Variants in DYSF observed in about 807,000 individuals in gnomAD.
DYSF encodes dysferlin.
A neutral mutation model predicts 274.9 loss-of-function variants in DYSF; 212 were observed. That is an observed-to-expected ratio of 0.77 (90% CI 0.69 to 0.86). The LOEUF (loss-of-function observed/expected upper bound fraction) is 0.86, where lower values mean the gene tolerates loss of function less well. Ranked by LOEUF, DYSF falls within the 40% of genes least tolerant of loss-of-function variation. The pLI is 0.00. For synonymous variants in DYSF, 1,091 were observed against 1,078.7 expected (o/e 1.01, Z -0.22); for missense variants, 2,666 against 2,783.2 (o/e 0.96, Z 0.95).
chr2:71,526,929 C>G (rs1439657694), intron 13 of DYSF, among the ~76,000 whole-genome samples: 4 of 152,268 alleles, frequency 2.6e-5, no homozygotes, highest in Non-Finnish European at 5.9e-5. Context: ...ACCCGACTTG[C>G]AACCATCTCT....
intron 4 of DYSF, among the ~76,000 whole-genome samples, chr2:71,504,810 T>A (rs1320355488): frequency 6.6e-6 from 1 of 152,194 alleles, no homozygotes; most frequent in Non-Finnish European, 1.5e-5. Flanking sequence ...TGGTCCCTAT[T>A]CATGAGCCGT....
intron 44 of DYSF, among the ~76,000 whole-genome samples, chr2:71,659,849 G>A (rs1439655979): frequency 6.6e-6 from 1 of 152,228 alleles, no homozygotes; most frequent in African/African-American, 2.4e-5. Flanking sequence ...GGCCTGATTT[G>A]CCTTTACAGG....
chr2:71,670,250 A>G (rs1296600791), intron 51 of DYSF, among the ~76,000 whole-genome samples: 1 of 152,164 alleles, frequency 6.6e-6, no homozygotes, highest in Non-Finnish European at 1.5e-5. Context: ...TCCAGATCCC[A>G]AAGTCACTGC....
chr2:71,570,920 A>G lies in DYSF; in HGVS notation c.3228+179A>G, dbSNP rs1162702462. The G allele has an allele frequency of 9.6e-6, 8 of 831,832 alleles. No individual in the cohort carries two copies. The East Asian group carries it at 1.3e-4, about 14-fold the overall frequency. 51.5% of individuals were successfully genotyped at this position (831,832 alleles called of 1,614,324 possible). A position where few individuals can be genotyped will look rare whatever the true frequency, so the allele number is the denominator to read the frequency against. On this transcript the variant is annotated intron_variant, in intron 29 of 55. Coordinates refer to ENST00000410020, the MANE Select transcript of DYSF (RefSeq NM_001130987.2). Reference sequence around the variant, plus strand: ...AGCATACCCAAAGATCACACCCAGCATACACACAGATCACACCCAGCATAC... The same window carrying G: ...AGCATACCCAAAGATCACACCCAGCGTACACACAGATCACACCCAGCATAC...
At chr2:71,629,327 TG>T (rs774087657) in intron 41 of DYSF, among the ~76,000 whole-genome samples, 4 of 152,234 alleles carry the variant, frequency 2.6e-5, no homozygotes, top group Non-Finnish European at 4.4e-5. Flanking sequence ...GAAGGTCTCC[TG>T]TCCCTTTGCA....
intron 36 of DYSF, 58 bp from the exon 37 acceptor site, chr2:71,611,187 C>A (rs2093751087): frequency 7.8e-7 from 1 of 1,288,718 alleles, no homozygotes; most frequent in Admixed American, 1.7e-5. Context: ...TCTCTCTTGT[C>A]TTTTTGCCTT....
At chr2:71,644,316 G>T (rs2094534254) in intron 42 of DYSF, among the ~76,000 whole-genome samples, 1 of 152,150 alleles carries the variant, frequency 6.6e-6, no homozygotes, top group Admixed American at 6.5e-5. Flanking sequence ...GTGTTTAGAG[G>T]TGAAATGATC....
chr2:71,647,309 G>A (rs556727364), intron 42 of DYSF, among the ~76,000 whole-genome samples: 3 of 152,238 alleles, frequency 2.0e-5, no homozygotes, highest in Non-Finnish European at 2.9e-5. Context: ...GATGCTCAGC[G>A]AATACTTACA....
chr2:71,577,802 C>T (rs1447286045), intron 30 of DYSF, among the ~76,000 whole-genome samples: 3 of 152,182 alleles, frequency 2.0e-5, no homozygotes, highest in Non-Finnish European at 2.9e-5. Flanking sequence ...TGCCCCAGCA[C>T]AGCACTGGGG....
chr2:71,462,395 C>G (rs1396815608), upstream of DYSF, among the ~76,000 whole-genome samples: 3 of 152,154 alleles, frequency 2.0e-5, no homozygotes, highest in Non-Finnish European at 4.4e-5. Flanking sequence ...CTGCAGAGCC[C>G]CAAAGAGGGT....
At chr2:71,643,939 T>C in intron 41 of DYSF, 26 bp from the exon 42 acceptor site, 1 of 1,572,604 alleles carries the variant, frequency 6.4e-7, no homozygotes, top group East Asian at 2.2e-5. Flanking sequence ...GTTTCTGAAA[T>C]GGTCTCTTTC....
At chr2:71,519,092 CAAAAAAAAAA>C (rs70959240) in intron 10 of DYSF, among the ~76,000 whole-genome samples, 76 of 59,730 alleles carry the variant, frequency 1.3e-3, no homozygotes, top group African/African-American at 4.4e-3. Flanking sequence ...CACTCCATCT[CAAAAAAAAAA>C]AAAAAAAAAA....
chr2:71,611,917 C>T (rs1324470899), intron 38 of DYSF, among the ~76,000 whole-genome samples: 1 of 152,108 alleles, frequency 6.6e-6, no homozygotes, highest in Non-Finnish European at 1.5e-5. Flanking sequence ...GTTTCAGTCC[C>T]CTGGAGCGCC....
intron 17 of DYSF, chr2:71,549,211 G>A (rs1286258982): frequency 2.6e-6 from 2 of 776,618 alleles, no homozygotes; most frequent in Non-Finnish European, 4.4e-6. Flanking sequence ...GTGGGGCCTC[G>A]GGCCACATCT....
At chr2:71,505,501 C>G (rs1030615642) in intron 4 of DYSF, among the ~76,000 whole-genome samples, 3 of 152,186 alleles carry the variant, frequency 2.0e-5, no homozygotes, top group Non-Finnish European at 4.4e-5. Context: ...GACTGAGAGG[C>G]GTGGGGGAGG....
chr2:71,561,536 C>A (rs577485796), intron 22 of DYSF, among the ~76,000 whole-genome samples: 1 of 152,074 alleles, frequency 6.6e-6, no homozygotes, highest in Non-Finnish European at 1.5e-5. Context: ...GATCAGGAGG[C>A]GCGTAGGCTG....
At chr2:71,652,949 C>T (rs146691516) in intron 42 of DYSF, among the ~76,000 whole-genome samples, 7 of 152,292 alleles carry the variant, frequency 4.6e-5, no homozygotes, top group African/African-American at 1.7e-4. Flanking sequence ...TAAATTCTTG[C>T]CTCACGCTGG....
chr2:71,634,232 C>G (rs2094359052), intron 41 of DYSF, among the ~76,000 whole-genome samples: 2 of 152,200 alleles, frequency 1.3e-5, no homozygotes, highest in Non-Finnish European at 2.9e-5. Context: ...CTTCAAATAT[C>G]AAACCTTTTG....
chr2:71,484,166 C>T (rs11895452), intron 3 of DYSF, among the ~76,000 whole-genome samples: 13,547 of 149,750 alleles, frequency 0.09, 719 homozygotes, highest in Admixed American at 0.18. Flanking sequence ...GATTCTCCTG[C>T]CTCAGCCTCC....
Sources: allele counts gnomAD v4.1 joint callset (sites outside exome capture counted in the v4.1 genomes callset), GRCh38; gene constraint gnomAD v4.1.1; transcripts MANE v1.5; gene names NCBI Gene and HGNC (gene_info 2026-07-23, HGNC 2026-07-21).